PDSS2: variants seen among roughly 807,000 people sequenced by gnomAD.
PDSS2 encodes decaprenyl diphosphate synthase subunit 2.
Under a neutral mutation model 44.5 loss-of-function variants are expected in PDSS2, and 31 were observed. That is an observed-to-expected ratio of 0.70 (90% CI 0.52 to 0.94). The LOEUF (loss-of-function observed/expected upper bound fraction) is 0.94, where lower values mean the gene tolerates loss of function less well. Ranked by LOEUF, PDSS2 falls within the 40% of genes least tolerant of loss-of-function variation. The probability of loss-of-function intolerance (pLI) is 0.00; values close to 1 mark genes in which losing one functional copy is unlikely to be tolerated. For missense variants in PDSS2, 452 were observed against 482.2 expected, an observed-to-expected ratio of 0.94 and a Z score of 0.59; for synonymous variants, 157 against 180.3, an observed-to-expected ratio of 0.87 and a Z score of 1.03.
At chr6:107,189,578 T>C (rs1772298160) in intron 7 of PDSS2, among the ~76,000 whole-genome samples, 1 of 152,116 alleles carries the variant, frequency 6.6e-6, no homozygotes, top group African/African-American at 2.4e-5. Context: ...CCTCAGGTGG[T>C]CCACCCCCAT....
At chr6:107,351,026 AT>A (rs1422037668) in intron 1 of PDSS2, among the ~76,000 whole-genome samples, 5 of 152,278 alleles carry the variant, frequency 3.3e-5, no homozygotes, top group African/African-American at 1.2e-4. Context: ...TTATACACAA[AT>A]TAATTTAAAT....
chr6:107,241,700 C>G (rs942247816), intron 4 of PDSS2, among the ~76,000 whole-genome samples: 1 of 152,116 alleles, frequency 6.6e-6, no homozygotes, highest in African/African-American at 2.4e-5. Flanking sequence ...GTTCCAATTC[C>G]CTTGCATTTT....
chr6:107,281,894 C>A (rs1353323642), intron 2 of PDSS2, among the ~76,000 whole-genome samples: 1 of 151,906 alleles, frequency 6.6e-6, no homozygotes, highest in Non-Finnish European at 1.5e-5. Context: ...CTTTACTTAG[C>A]AATTTATTTA....
At chr6:107,398,831 T>C (rs957962792) in intron 1 of PDSS2, among the ~76,000 whole-genome samples, 3 of 152,232 alleles carry the variant, frequency 2.0e-5, no homozygotes, top group Admixed American at 1.3e-4. Context: ...ACTTGGAAAC[T>C]GTCCTCAGGA....
At position 107,238,452 on chromosome 6, in the gene PDSS2, G is replaced by T. The variant is rs574602624; in HGVS notation, c.702+7096C>A. On this transcript the variant is annotated intron_variant, in intron 4 of 7. Coordinates refer to ENST00000369037, the MANE Select transcript of PDSS2 (RefSeq NM_020381.4). ...CCACTAAAAAGAGACAGCCCCATAG[G>T]GTGAAGTCTGGAAGAAACCAGGTGT... Among the ~76,000 whole-genome samples the T allele has an allele frequency of 6.6e-5, 10 of 152,252 alleles. No individual in the cohort carries two copies. The East Asian group carries it at 1.9e-3, about 29-fold the overall frequency.
intron 4 of PDSS2, among the ~76,000 whole-genome samples, chr6:107,243,199 T>C (rs1203722797): frequency 6.6e-6 from 1 of 152,226 alleles, no homozygotes; most frequent in Non-Finnish European, 1.5e-5. Flanking sequence ...CATGTTAATA[T>C]ATTAACAAAT....
chr6:107,178,478 A>G (rs1443055345), intron 7 of PDSS2, among the ~76,000 whole-genome samples: 2 of 152,242 alleles, frequency 1.3e-5, no homozygotes, highest in Admixed American at 1.3e-4. Context: ...GTTATTATCT[A>G]TAAAACTTTC....
intron 2 of PDSS2, among the ~76,000 whole-genome samples, chr6:107,310,227 G>A (rs1208006999): frequency 1.4e-5 from 2 of 145,104 alleles, no homozygotes; most frequent in East Asian, 4.2e-4. Flanking sequence ...GGAGCTTACA[G>A]TGAGCAGAGA....
chr6:107,273,957 C>A, intron 3 of PDSS2, 72 bp downstream of exon 3: 1 of 1,177,074 alleles, frequency 8.5e-7, no homozygotes, highest in Non-Finnish European at 1.3e-6. Flanking sequence ...GGCACACAGA[C>A]CTGCAGCTCC....
intron 7 of PDSS2, among the ~76,000 whole-genome samples, chr6:107,162,245 C>T (rs11961801): frequency 0.072 from 10,926 of 152,086 alleles, 427 homozygotes; most frequent in African/African-American, 0.11. Context: ...CGCCTGTAAT[C>T]CCAGCACTTG....
At chr6:107,343,188 GTCAAAT>G (rs1778133547) in intron 1 of PDSS2, among the ~76,000 whole-genome samples, 1 of 152,280 alleles carries the variant, frequency 6.6e-6, no homozygotes, top group African/African-American at 2.4e-5. Context: ...AAAGATGGAT[GTCAAAT>G]TCTAACATAC....
At chr6:107,333,964 C>T (rs1777792428) in intron 2 of PDSS2, among the ~76,000 whole-genome samples, 1 of 151,808 alleles carries the variant, frequency 6.6e-6, no homozygotes, top group South Asian at 2.1e-4. Flanking sequence ...TTTTAAATGC[C>T]CAAAGTAGAA....
intron 1 of PDSS2, among the ~76,000 whole-genome samples, chr6:107,380,774 G>C (rs73513156): frequency 0.026 from 3,945 of 152,152 alleles, 196 homozygotes; most frequent in African/African-American, 0.091. Flanking sequence ...TCAATTATCT[G>C]ATAAATCTAT....
chr6:107,432,217 C>T (rs931788470), intron 1 of PDSS2, among the ~76,000 whole-genome samples: 1 of 152,122 alleles, frequency 6.6e-6, no homozygotes, highest in African/African-American at 2.4e-5. Context: ...TAATCAAAAA[C>T]ACAATATAAT....
At chr6:107,318,149 T>C (rs1486842066) in intron 2 of PDSS2, among the ~76,000 whole-genome samples, 2 of 151,666 alleles carry the variant, frequency 1.3e-5, no homozygotes, top group Non-Finnish European at 2.9e-5. Context: ...TAAACAGGGG[T>C]GGGAGAATAA....
intron 2 of PDSS2, among the ~76,000 whole-genome samples, chr6:107,284,412 G>A (rs138770448): frequency 0.052 from 7,895 of 152,224 alleles, 297 homozygotes; most frequent in Non-Finnish European, 0.078. Context: ...TGTAATCCCA[G>A]CACTTCGGGA....
chr6:107,390,653 C>T (rs747961057), intron 1 of PDSS2, among the ~76,000 whole-genome samples: 20 of 152,026 alleles, frequency 1.3e-4, no homozygotes, highest in Non-Finnish European at 2.1e-4. Context: ...ACAAATGTAA[C>T]ATGATTATAT....
intron 1 of PDSS2, among the ~76,000 whole-genome samples, chr6:107,359,159 C>T (rs545527946): frequency 4.6e-5 from 7 of 151,342 alleles, no homozygotes; most frequent in East Asian, 4.0e-4. Context: ...TACAGGTGCA[C>T]GCCATCACGC....
At chr6:107,347,496 C>G (rs1044504129) in intron 1 of PDSS2, among the ~76,000 whole-genome samples, 2 of 151,950 alleles carry the variant, frequency 1.3e-5, no homozygotes, top group South Asian at 4.1e-4. Flanking sequence ...AACTCCTGAC[C>G]TCGTGATCTG....
Sources: allele counts gnomAD v4.1 joint callset (sites outside exome capture counted in the v4.1 genomes callset), GRCh38; gene constraint gnomAD v4.1.1; transcripts MANE v1.5; gene names NCBI Gene and HGNC (gene_info 2026-07-23, HGNC 2026-07-21).